NYAP2: variants seen among roughly 807,000 people sequenced by gnomAD.
NYAP2 encodes the protein neuronal tyrosine-phosphorylated phosphoinositide-3-kinase adaptor 2.
In NYAP2, 23 loss-of-function variants were observed where a neutral mutation model predicts 50.4. The ratio of observed to expected loss-of-function variants is 0.46; its 90% confidence interval spans 0.33 to 0.65. The LOEUF is 0.65. NYAP2 is among the 30% of genes least tolerant of loss of function. NYAP2 has a pLI of 0.02. For missense variants in NYAP2, 885 were observed against 861.0 expected (o/e 1.03, Z -0.35); for synonymous variants, 394 against 365.2 (o/e 1.08, Z -0.90).
chr2:225,515,776 A>G (rs1431241636), intron 4 of NYAP2, among the ~76,000 whole-genome samples: 3 of 152,226 alleles, frequency 2.0e-5, no homozygotes, highest in African/African-American at 4.8e-5. Flanking sequence ...TTCTACTGCC[A>G]GAAAACTACC....
the NYAP2 span, among the ~76,000 whole-genome samples, chr2:225,681,887 G>C: frequency 6.6e-6 from 1 of 152,120 alleles, no homozygotes; most frequent in African/African-American, 2.4e-5. Flanking sequence ...ACCTTATAAG[G>C]CTGGTGTGAG....
chr2:225,520,765 T>G (rs1471094277), intron 4 of NYAP2, among the ~76,000 whole-genome samples: 3 of 152,226 alleles, frequency 2.0e-5, no homozygotes, highest in African/African-American at 4.8e-5. Flanking sequence ...GGCTCTTTTT[T>G]GGTTCCATAT....
chr2:225,508,088 A>T (rs1356466941), intron 3 of NYAP2, among the ~76,000 whole-genome samples: 1 of 152,252 alleles, frequency 6.6e-6, no homozygotes, highest in African/African-American at 2.4e-5. Context: ...TGGAATAACT[A>T]ACCAACAGAC....
chr2:225,519,974 T>G (rs1691017181), intron 4 of NYAP2, among the ~76,000 whole-genome samples: 1 of 152,194 alleles, frequency 6.6e-6, no homozygotes, highest in Admixed American at 6.5e-5. Flanking sequence ...CTAACTGGTG[T>G]GAGATGGTAT....
At chr2:225,682,531 T>C in the NYAP2 span, among the ~76,000 whole-genome samples, 2 of 152,220 alleles carry the variant, frequency 1.3e-5, no homozygotes, top group Non-Finnish European at 2.9e-5. Flanking sequence ...TTGTATTTTA[T>C]TTCTGAGTGG....
intron 4 of NYAP2, among the ~76,000 whole-genome samples, chr2:225,546,293 T>C (rs1007080148): frequency 6.6e-6 from 1 of 152,136 alleles, no homozygotes; most frequent in Admixed American, 6.5e-5. Flanking sequence ...CTGGGCCCCA[T>C]GTGAATCAAG....
chr2:225,585,178 A>G (rs1692367498), intron 5 of NYAP2, among the ~76,000 whole-genome samples: 1 of 152,270 alleles, frequency 6.6e-6, no homozygotes, highest in Admixed American at 6.5e-5. Context: ...TTTCACACAG[A>G]TCAAATAAGG....
At chr2:225,493,015 C>A (rs1037349787) in intron 3 of NYAP2, among the ~76,000 whole-genome samples, 1 of 150,604 alleles carries the variant, frequency 6.6e-6, no homozygotes, top group Non-Finnish European at 1.5e-5. Context: ...TAGACAGGGT[C>A]TCACTGTGTC....
At chr2:225,411,399 G>A (rs532798889) in intron 3 of NYAP2, among the ~76,000 whole-genome samples, 1 of 152,090 alleles carries the variant, frequency 6.6e-6, no homozygotes, top group East Asian at 1.9e-4. Flanking sequence ...AGGGGAGCAG[G>A]TTTAGCGTAA....
At chr2:225,461,200 T>C (rs929863583) in intron 3 of NYAP2, among the ~76,000 whole-genome samples, 17 of 152,094 alleles carry the variant, frequency 1.1e-4, no homozygotes, top group Non-Finnish European at 1.5e-4. Context: ...GGTGTCTAAC[T>C]GGGTTATCTC....
intron 3 of NYAP2, among the ~76,000 whole-genome samples, chr2:225,477,821 G>A (rs947413126): frequency 6.6e-6 from 1 of 151,950 alleles, no homozygotes; most frequent in Non-Finnish European, 1.5e-5. Context: ...GCCCCTCCAT[G>A]TACTCAAACA....
At chr2:225,572,699 T>C (rs1223972999) in intron 4 of NYAP2, among the ~76,000 whole-genome samples, 1 of 152,202 alleles carries the variant, frequency 6.6e-6, no homozygotes, top group Admixed American at 6.5e-5. Flanking sequence ...TTAAAAGCTT[T>C]CTCATCGAAT....
chr2:225,634,417 G>A (rs79507388), intron 6 of NYAP2, among the ~76,000 whole-genome samples: 16,582 of 152,092 alleles, frequency 0.11, 1,016 homozygotes, highest in South Asian at 0.15. Flanking sequence ...TCTGCAGAAC[G>A]GTTCTGGGAC....
chr2:225,496,977 A>G (rs1314614780), intron 3 of NYAP2, among the ~76,000 whole-genome samples: 1 of 152,126 alleles, frequency 6.6e-6, no homozygotes, highest in Non-Finnish European at 1.5e-5. Flanking sequence ...TGTTGTGACA[A>G]TACCTTTTAA....
Position 225,582,342 on chromosome 2 carries a change from G to A in NYAP2, c.925G>A (p.Ala309Thr), listed in dbSNP as rs770815459. 9.3e-6 allele frequency: 15 copies of A among 1,613,844 alleles called. No individual in the cohort carries two copies. Among genetic ancestry groups the A allele is most frequent in the Middle Eastern group, 3.3e-4 (2 of 6,060 alleles). The change falls in exon 5 of 7, where the codon GCC becomes ACC. Residue 309 changes from alanine to threonine, a missense_variant. By Grantham distance (58) the Ala-to-Thr change is moderately conservative. Transcript: ENST00000636099. The surrounding 1 kb of genome is among the most constrained non-coding windows in gnomAD (Gnocchi z 7.0). ...GGTGCCTGACTTGGACTTCGCCAAG[G>A]CCTCAGTGCCATGCCCCCCCAAGGG...
At chr2:225,596,281 T>A in intron 5 of NYAP2, among the ~76,000 whole-genome samples, 1 of 152,244 alleles carries the variant, frequency 6.6e-6, no homozygotes, top group Non-Finnish European at 1.5e-5. Context: ...TTAAGGGAAC[T>A]CTGCTCCTTC....
At chr2:225,702,545 A>C in the NYAP2 span, 1 of 151,604 alleles carries the variant, frequency 6.6e-6, no homozygotes, top group Non-Finnish European at 1.5e-5. Flanking sequence ...TAAAATTCTA[A>C]ACATACTAAA....
At chr2:225,607,314 G>C (rs1010584299) in intron 5 of NYAP2, among the ~76,000 whole-genome samples, 10 of 152,016 alleles carry the variant, frequency 6.6e-5, no homozygotes, top group African/African-American at 2.4e-4. Context: ...CCAGGGTCAG[G>C]TTTTCCAGGA....
intron 4 of NYAP2, among the ~76,000 whole-genome samples, chr2:225,536,457 A>G (rs960674372): frequency 1.3e-5 from 2 of 152,198 alleles, no homozygotes; most frequent in African/African-American, 4.8e-5. Context: ...TATGGAAGGG[A>G]GCACACAGAA....
Sources: allele counts gnomAD v4.1 joint callset (sites outside exome capture counted in the v4.1 genomes callset), GRCh38; gene constraint gnomAD v4.1.1; non-coding constraint Gnocchi (gnomAD v3.1); transcripts MANE v1.5; gene names NCBI Gene and HGNC (gene_info 2026-07-23, HGNC 2026-07-21).